Variants in LCORL observed in about 807,000 individuals in gnomAD.
LCORL encodes ligand dependent nuclear receptor corepressor like.
A neutral mutation model predicts 141.8 loss-of-function variants in LCORL; 41 were observed. The ratio of observed to expected loss-of-function variants is 0.29; its 90% confidence interval spans 0.23 to 0.38. The LOEUF (loss-of-function observed/expected upper bound fraction) is 0.38. Ranked by LOEUF, LCORL falls within the 10% of genes least tolerant of loss-of-function variation. LCORL has a pLI of 1.00. For missense variants in LCORL, 1,759 were observed against 2,035.0 expected (o/e 0.86, Z 2.61); for synonymous variants, 618 against 694.1 (o/e 0.89, Z 1.72).
At chr4:17,995,300 T>C (rs910188543) in intron 1 of LCORL, among the ~76,000 whole-genome samples, 3 of 152,142 alleles carry the variant, frequency 2.0e-5, no homozygotes, top group South Asian at 2.1e-4. Context: ...AGTGTCTCCA[T>C]TAATAAAGGT....
chr4:17,896,056 C>G (rs1197072777), intron 5 of LCORL, among the ~76,000 whole-genome samples: 2 of 152,110 alleles, frequency 1.3e-5, no homozygotes, highest in Non-Finnish European at 1.5e-5. Flanking sequence ...GAGTAGGTTC[C>G]TCAGAGTAGA....
chr4:18,006,026 A>G (rs1722750616), intron 1 of LCORL, among the ~76,000 whole-genome samples: 1 of 152,146 alleles, frequency 6.6e-6, no homozygotes, highest in South Asian at 2.1e-4. Flanking sequence ...AGACTGCAAA[A>G]TTTCCAAACT....
chr4:17,923,881 C>T (rs1354362485), intron 4 of LCORL, among the ~76,000 whole-genome samples: 1 of 152,056 alleles, frequency 6.6e-6, no homozygotes, highest in African/African-American at 2.4e-5. Flanking sequence ...TCCCGAATTT[C>T]TTTGTCACCA....
intron 4 of LCORL, among the ~76,000 whole-genome samples, chr4:17,913,787 T>TTG (rs1300351563): frequency 3.3e-5 from 5 of 152,226 alleles, no homozygotes; most frequent in Non-Finnish European, 5.9e-5. Flanking sequence ...TAAAAAAACT[T>TTG]TAAAGGTCAC....
At chr4:17,917,654 A>G (rs1304998212) in intron 4 of LCORL, among the ~76,000 whole-genome samples, 1 of 152,260 alleles carries the variant, frequency 6.6e-6, no homozygotes, top group African/African-American at 2.4e-5. Context: ...GAAAACAGCT[A>G]GGAAAATATA....
At chr4:17,963,081 A>G (rs750357685) in intron 2 of LCORL, 32 bp from the exon 3 acceptor site, 6 of 1,244,490 alleles carry the variant, frequency 4.8e-6, no homozygotes, top group Non-Finnish European at 6.9e-6. Context: ...CATTAAATAT[A>G]CTAACTTTAT....
intron 7 of LCORL, among the ~76,000 whole-genome samples, chr4:17,860,093 T>C (rs1397908173): frequency 6.6e-6 from 1 of 152,184 alleles, no homozygotes; most frequent in Non-Finnish European, 1.5e-5. Flanking sequence ...TTCAATGCTA[T>C]TCCTATCAGA....
chr4:18,002,539 C>T (rs928608219), intron 1 of LCORL, among the ~76,000 whole-genome samples: 14 of 152,224 alleles, frequency 9.2e-5, no homozygotes, highest in African/African-American at 3.4e-4. Flanking sequence ...ATACTTTTCA[C>T]TTTCTGTTGT....
At chr4:17,915,301 C>G (rs1733220782) in intron 4 of LCORL, among the ~76,000 whole-genome samples, 1 of 152,066 alleles carries the variant, frequency 6.6e-6, no homozygotes, top group Admixed American at 6.5e-5. Context: ...CTCCTATGAC[C>G]ACAACCCAGC....
At chr4:18,007,713 A>C (rs1723043158) in intron 1 of LCORL, among the ~76,000 whole-genome samples, 1 of 152,200 alleles carries the variant, frequency 6.6e-6, no homozygotes, top group South Asian at 2.1e-4. Flanking sequence ...TATTCTTTAT[A>C]TAAAATAAAG....
At chr4:17,968,823 G>C (rs1376841119) in intron 2 of LCORL, among the ~76,000 whole-genome samples, 2 of 152,096 alleles carry the variant, frequency 1.3e-5, no homozygotes, top group Non-Finnish European at 2.9e-5. Flanking sequence ...AAAAATGTAA[G>C]AACCATTTTT....
intron 1 of LCORL, among the ~76,000 whole-genome samples, chr4:17,980,379 G>A (rs1326769153): frequency 6.6e-6 from 1 of 152,156 alleles, no homozygotes; most frequent in African/African-American, 2.4e-5. Context: ...GATTTAGACT[G>A]ACTTGCTTTT....
intron 4 of LCORL, chr4:17,912,023 AG>A: frequency 1.5e-6 from 1 of 655,684 alleles, no homozygotes; most frequent in South Asian, 1.4e-5. Context: ...TAGAAGTTAG[AG>A]ACCAAAATCT....
chr4:17,944,333 C>G (rs1249207092), intron 4 of LCORL, among the ~76,000 whole-genome samples: 1 of 152,176 alleles, frequency 6.6e-6, no homozygotes, highest in African/African-American at 2.4e-5. Context: ...TACCTATTCA[C>G]TATCCCATTC....
intron 4 of LCORL, among the ~76,000 whole-genome samples, chr4:17,919,565 T>C (rs1032466225): frequency 1.3e-5 from 2 of 152,216 alleles, no homozygotes; most frequent in South Asian, 2.1e-4. Context: ...CCAGTACCTA[T>C]AAAAGTTATG....
At chr4:17,913,828 A>G (rs758300689) in intron 4 of LCORL, among the ~76,000 whole-genome samples, 1 of 152,252 alleles carries the variant, frequency 6.6e-6, no homozygotes, top group Non-Finnish European at 1.5e-5. Context: ...ACGTAAAAAA[A>G]ATTGCATTGA....
intron 4 of LCORL, among the ~76,000 whole-genome samples, chr4:17,944,076 T>C (rs1390708532): frequency 6.6e-6 from 1 of 152,204 alleles, no homozygotes; most frequent in Non-Finnish European, 1.5e-5. Context: ...CCATAGTTTT[T>C]TGCCTAATTA....
intron 1 of LCORL, among the ~76,000 whole-genome samples, chr4:18,011,967 C>G (rs978885539): frequency 6.6e-6 from 1 of 152,208 alleles, no homozygotes; most frequent in Non-Finnish European, 1.5e-5. Flanking sequence ...CATCCCTGAT[C>G]ACTGTGAACT....
chr4:17,843,388 T>C (rs777357064), exon 8 of LCORL: 4 of 1,611,796 alleles, frequency 2.5e-6, no homozygotes, highest in Non-Finnish European at 3.4e-6. Flanking sequence ...AAAAGTAAAC[T>C]TAACCTTGCC....
Sources: gnomAD v4.1 joint callset for allele counts (sites outside exome capture counted in the v4.1 genomes callset) on GRCh38, gnomAD v4.1.1 for gene constraint, MANE v1.5 for transcripts, NCBI Gene and HGNC (gene_info 2026-07-23, HGNC 2026-07-21) for gene names.